TMPRSS13: variants seen among roughly 807,000 people sequenced by gnomAD.
TMPRSS13 encodes the protein transmembrane serine protease 13.
TMPRSS13 carries 50 observed loss-of-function variants against 68.4 expected under a neutral mutation model. That is an observed-to-expected ratio of 0.73 (90% CI 0.58 to 0.93). TMPRSS13 has a LOEUF of 0.93. Ranked by LOEUF, TMPRSS13 falls within the 40% of genes least tolerant of loss-of-function variation. TMPRSS13 has a pLI of 0.00. For synonymous variants in TMPRSS13, 267 were observed against 285.8 expected, an observed-to-expected ratio of 0.93 and a Z score of 0.66; for missense variants, 615 against 729.2, an observed-to-expected ratio of 0.84 and a Z score of 1.80.
In TMPRSS13 at chr11:117,914,135, G is replaced by C. The variant is rs2057549365; in HGVS notation, c.680-229C>G. On this transcript the variant is annotated intron_variant, in intron 4 of 12. Coordinates refer to ENST00000524993, the MANE Select transcript of TMPRSS13 (RefSeq NM_001077263.3). The surrounding 1 kb of genome is among the most constrained non-coding windows in gnomAD (Gnocchi z 4.2). ...AATGCAAAGTCACTAGAGTGCTACA[G>C]ACTGATGCAAACTGTGTATCAGCTC... Among the ~76,000 whole-genome samples, 1 of 152,176 alleles carries C rather than the reference G, an allele frequency of 6.6e-6. No individual in the cohort carries two copies. Among genetic ancestry groups the C allele is most frequent in the Non-Finnish European group, 1.5e-5 (1 of 68,038 alleles).
chr11:117,921,537 G>A (rs2057648473), intron 1 of TMPRSS13, among the ~76,000 whole-genome samples: 1 of 152,220 alleles, frequency 6.6e-6, no homozygotes, highest in African/African-American at 2.4e-5. Flanking sequence ...GAAAATGGGT[G>A]GGCAGGTGGG....
At chr11:117,921,388 C>T (rs143937893) in intron 1 of TMPRSS13, among the ~76,000 whole-genome samples, 1 of 152,308 alleles carries the variant, frequency 6.6e-6, no homozygotes, top group Non-Finnish European at 1.5e-5. Flanking sequence ...ACGAAACAGC[C>T]CACCTCACCC....
chr11:117,908,392 A>C lies in TMPRSS13; in HGVS notation c.1282+220T>G, dbSNP rs1158119083. 15 of 616,074 alleles carry C rather than the reference A, an allele frequency of 2.4e-5. No individual in the cohort carries two copies. The East Asian group carries it at 4.1e-4, about 17-fold the overall frequency. 38.2% of individuals were successfully genotyped at this position (616,074 alleles called of 1,614,324 possible). The stretch of plus-strand genomic sequence containing the variant: ...GACTCCGTCATCAATTTGTAATGTG[A>C]GATGTGTCATTTGGAGCAAACTTAT... On this transcript the variant is annotated intron_variant, in intron 9 of 12. Transcript: ENST00000524993.
intron 1 of TMPRSS13, among the ~76,000 whole-genome samples, chr11:117,920,571 C>T (rs982344774): frequency 4.6e-5 from 7 of 152,290 alleles, no homozygotes; most frequent in South Asian, 2.1e-4. Context: ...TGGCTCACTG[C>T]GACCTCTGCT....
At chr11:117,918,109 A>G (rs2057597018) in intron 2 of TMPRSS13, among the ~76,000 whole-genome samples, 2 of 152,030 alleles carry the variant, frequency 1.3e-5, no homozygotes, top group South Asian at 4.1e-4. Context: ...TAACTGGGAG[A>G]CCTTGCTATT....
At chr11:117,908,844 C>T in intron 8 of TMPRSS13, 60 bp from the exon 9 acceptor site, 2 of 1,487,540 alleles carry the variant, frequency 1.3e-6, no homozygotes, top group Non-Finnish European at 1.8e-6. Context: ...ACTGGCAGCC[C>T]CTGCTACCTA....
rs1555057480 is a variant in TMPRSS13 at position 117,923,838 on chromosome 11, TAAAAAA to T, written c.22-5006_22-5001del. On this transcript the variant is annotated intron_variant, in intron 1 of 12. Transcript: ENST00000524993. ...ACCCTAGAACTTAAAGTATAATAAT[TAAAAAA>T]AAAAAAAAAAAAGCTCTCCTTCTAG... is the stretch of plus-strand genomic sequence containing the variant. Among the ~76,000 whole-genome samples the T allele has an allele frequency of 1.6e-5, 2 of 128,156 alleles. 1 individual carries two copies. The highest frequency in any genetic ancestry group is 3.2e-5 in the Non-Finnish European group (2 of 62,254). The allele number at this position is 128,156 out of a possible 152,430, so 84.1% of individuals were successfully genotyped here.
At chr11:117,905,237 C>T (rs2057452576) in intron 10 of TMPRSS13, among the ~76,000 whole-genome samples, 1 of 151,932 alleles carries the variant, frequency 6.6e-6, no homozygotes, top group Non-Finnish European at 1.5e-5. Flanking sequence ...ACCCCTGCTT[C>T]CTGACACCAC....
At chr11:117,905,137 C>G (rs1219910352) in intron 10 of TMPRSS13, among the ~76,000 whole-genome samples, 1 of 151,732 alleles carries the variant, frequency 6.6e-6, no homozygotes, top group East Asian at 1.9e-4. Context: ...TCAAGAGATT[C>G]TCCCACCTTG....
Position 117,922,527 on chromosome 11 carries a change from C to T in TMPRSS13, c.22-3689G>A, listed in dbSNP as rs2057659093. ...ACAGGCGTGAGCCACCGCGCCCAGC[C>T]GAGACTTCTTATCCAAGGTCCCAAG... On this transcript the variant is annotated intron_variant, in intron 1 of 12. Transcript: ENST00000524993. This position sits in a 1 kb window ranked among gnomAD's most constrained non-coding sequence, Gnocchi z 4.2. Among the ~76,000 whole-genome samples, 1 of 152,196 alleles carries T rather than the reference C, an allele frequency of 6.6e-6. No homozygotes were observed. Among genetic ancestry groups the T allele is most frequent in the Non-Finnish European group, 1.5e-5 (1 of 68,040 alleles).
chr11:117,909,510 T>C (rs955003291), intron 8 of TMPRSS13, among the ~76,000 whole-genome samples: 2 of 152,208 alleles, frequency 1.3e-5, no homozygotes, highest in African/African-American at 2.4e-5. Context: ...CCAACGCCTT[T>C]TTCATTTCAC....
intron 10 of TMPRSS13, among the ~76,000 whole-genome samples, 194 bp from the exon 11 acceptor site, chr11:117,904,295 G>A (rs777980340): frequency 6.6e-5 from 10 of 152,102 alleles, no homozygotes; most frequent in Non-Finnish European, 1.5e-4. Flanking sequence ...GGGCACACAC[G>A]CCCTCACACA....
intron 8 of TMPRSS13, among the ~76,000 whole-genome samples, chr11:117,909,047 C>CG (rs2057493671): frequency 6.6e-6 from 1 of 152,136 alleles, no homozygotes; most frequent in African/African-American, 2.4e-5. Flanking sequence ...GGCACTCCCC[C>CG]CCCACTATCT....
chr11:117,903,815 G>A lies in TMPRSS13; in HGVS notation c.1525-8C>T. 6.2e-7 allele frequency: 1 copy of A among 1,609,262 alleles called. No homozygotes were observed. Among genetic ancestry groups the A allele is most frequent in the Non-Finnish European group, 8.5e-7 (1 of 1,177,908 alleles). ...AGGCCCCCCGCTGTCTCCCTGCAGGGGAGAGGGGGCACATTCGCAGGATGG... is the reference window on the plus strand; with the variant it reads ...AGGCCCCCCGCTGTCTCCCTGCAGGAGAGAGGGGGCACATTCGCAGGATGG... On this transcript the variant is annotated splice_region_variant and splice_polypyrimidine_tract_variant and intron_variant, in intron 11 of 12. Transcript: ENST00000524993.
At chr11:117,924,847 A>ACCCC (rs1281569501) in intron 1 of TMPRSS13, among the ~76,000 whole-genome samples, 2 of 151,766 alleles carry the variant, frequency 1.3e-5, no homozygotes, top group Non-Finnish European at 2.9e-5. Context: ...CCACCTCCTC[A>ACCCC]CCCAGCACCA....
intron 10 of TMPRSS13, 102 bp from the exon 11 acceptor site, chr11:117,904,203 C>T (rs2057440062): frequency 6.9e-7 from 1 of 1,454,300 alleles, no homozygotes; most frequent in African/African-American, 1.4e-5. Flanking sequence ...AGAATCACAG[C>T]CTCCTGGGAA....
intron 1 of TMPRSS13, among the ~76,000 whole-genome samples, chr11:117,919,663 G>A (rs922918856): frequency 6.6e-6 from 1 of 152,266 alleles, no homozygotes; most frequent in African/African-American, 2.4e-5. Flanking sequence ...TGTGTGTACT[G>A]GCACTTTAGA....
intron 1 of TMPRSS13, among the ~76,000 whole-genome samples, chr11:117,923,855 A>AAAAAG (rs2057671500): frequency 2.0e-5 from 3 of 150,720 alleles, no homozygotes; most frequent in South Asian, 4.2e-4. Flanking sequence ...AAAAAAAAAA[A>AAAAAG]AGCTCTCCTT....
intron 2 of TMPRSS13, 32 bp downstream of exon 2, chr11:117,918,377 C>T: frequency 6.2e-7 from 1 of 1,603,512 alleles, no homozygotes; most frequent in Non-Finnish European, 8.5e-7. Context: ...TGCTTCCCAT[C>T]TCTCGTGGCT....
Sources: gnomAD v4.1 joint callset for allele counts (sites outside exome capture counted in the v4.1 genomes callset) on GRCh38, gnomAD v4.1.1 for gene constraint, Gnocchi (gnomAD v3.1) non-coding constraint, MANE v1.5 for transcripts, NCBI Gene and HGNC (gene_info 2026-07-23, HGNC 2026-07-21) for gene names.